AP3B1: variants seen among roughly 807,000 people sequenced by gnomAD.
The protein encoded by AP3B1 is AP-3 complex subunit beta-1.
AP3B1 carries 61 observed loss-of-function variants against 132.5 expected under a neutral mutation model. That is an observed-to-expected ratio of 0.46 (90% confidence interval 0.37 to 0.57). The LOEUF is 0.57. Among genes scored for constraint, AP3B1 ranks in the 20% least tolerant of loss-of-function variants. The pLI is 0.00. For synonymous variants in AP3B1, 388 were observed against 438.3 expected (o/e 0.89, Z 1.43); for missense variants, 1,120 against 1,289.4 (o/e 0.87, Z 2.01).
chr5:78,186,078 T>A (rs371723716), intron 7 of AP3B1, among the ~76,000 whole-genome samples: 1 of 152,244 alleles, frequency 6.6e-6, no homozygotes, highest in East Asian at 1.9e-4. Context: ...TAAATCAGTA[T>A]GCTGATTAAA....
rs150000996 is a variant in AP3B1 at position 78,165,642 on chromosome 5, C to G, written c.1198G>C (p.Ala400Pro). 3,028 of 1,609,360 alleles carry G rather than the reference C, an allele frequency of 1.9e-3. 6 individuals are homozygous for G. Among genetic ancestry groups the G allele is most frequent in the Non-Finnish European group, 2.4e-3 (2,829 of 1,176,960 alleles). ...LEILTNLANE[A>P]NISTLLREFQ... is the part of the protein sequence containing the mutation. The stretch of plus-strand genomic sequence containing the variant: ...TCTCGAAGAAGAGTTGATATGTTGG[C>G]TTCATTTGCCAAGTTTGTCAAAATT... Residue 400 changes from alanine (A) to proline (P), a missense_variant, in exon 12 of 27, where the codon GCC (alanine) becomes CCC (proline). Ala to Pro is a conservative substitution (Grantham distance 27, BLOSUM62 -1). Around this residue, in one of 3 missense-constraint regions of AP3B1, gnomAD observed 906 missense variants for 997.1 expected, o/e 0.91. Coordinates refer to ENST00000255194, the MANE Select transcript of AP3B1 (RefSeq NM_003664.5).
chr5:78,202,701 G>A (rs551792004), intron 7 of AP3B1, among the ~76,000 whole-genome samples: 20 of 152,068 alleles, frequency 1.3e-4, no homozygotes, highest in African/African-American at 4.6e-4. Flanking sequence ...AACTAACTTG[G>A]AAGCACAACA....
chr5:78,273,088 AAGAAG>A (rs1180744136), intron 1 of AP3B1, among the ~76,000 whole-genome samples: 1 of 151,776 alleles, frequency 6.6e-6, no homozygotes, highest in Non-Finnish European at 1.5e-5. Flanking sequence ...TGATCCTTGA[AAGAAG>A]AGAAGCACAA....
chr5:78,184,974 A>G (rs534624814), intron 7 of AP3B1, among the ~76,000 whole-genome samples: 1 of 152,312 alleles, frequency 6.6e-6, no homozygotes, highest in South Asian at 2.1e-4. Flanking sequence ...TGAAAGCAGG[A>G]AAGGAGAAAT....
chr5:78,044,569 A>G (rs1188412701), intron 22 of AP3B1, among the ~76,000 whole-genome samples: 3 of 152,248 alleles, frequency 2.0e-5, no homozygotes, highest in African/African-American at 7.2e-5. Context: ...AAAAGGGAAG[A>G]CTATTTGAAA....
chr5:78,031,870 A>G (rs1747591485), intron 24 of AP3B1, among the ~76,000 whole-genome samples: 1 of 152,096 alleles, frequency 6.6e-6, no homozygotes, highest in Admixed American at 6.5e-5. Context: ...TTTCTTTTTA[A>G]TGGATCTTTG....
chr5:78,204,862 A>G (rs1745441285), intron 7 of AP3B1, among the ~76,000 whole-genome samples: 1 of 152,144 alleles, frequency 6.6e-6, no homozygotes, highest in Non-Finnish European at 1.5e-5. Context: ...CCATTTTCTT[A>G]AATGTTTGAA....
intron 2 of AP3B1, among the ~76,000 whole-genome samples, chr5:78,264,674 T>C (rs192402036): frequency 1.4e-4 from 21 of 152,258 alleles, no homozygotes; most frequent in Admixed American, 1.3e-3. Context: ...CTTTAAAGCA[T>C]ACATAGAACC....
At chr5:78,255,835 T>C (rs1249355594) in intron 2 of AP3B1, among the ~76,000 whole-genome samples, 2 of 152,106 alleles carry the variant, frequency 1.3e-5, no homozygotes, top group Admixed American at 6.5e-5. Flanking sequence ...ATGGACCATA[T>C]GTTAGGTCAC....
intron 2 of AP3B1, among the ~76,000 whole-genome samples, chr5:78,258,795 T>G (rs1383061549): frequency 6.6e-6 from 1 of 152,166 alleles, no homozygotes; most frequent in Non-Finnish European, 1.5e-5. Flanking sequence ...GCAACCTAAG[T>G]GTCCACCAAC....
chr5:78,156,153 A>T (rs1743139563), intron 14 of AP3B1, 105 bp downstream of exon 14: 1 of 795,348 alleles, frequency 1.3e-6, no homozygotes, highest in Non-Finnish European at 2.1e-6. Context: ...TGGAATCCAG[A>T]CACTTCAGCT....
chr5:78,277,330 G>A (rs1158603105), intron 1 of AP3B1, among the ~76,000 whole-genome samples: 1 of 152,130 alleles, frequency 6.6e-6, no homozygotes, highest in Admixed American at 6.5e-5. Context: ...AATATTCTAG[G>A]ACCTAAATTT....
intron 15 of AP3B1, among the ~76,000 whole-genome samples, chr5:78,140,203 A>G (rs555351767): frequency 1.3e-5 from 2 of 152,304 alleles, no homozygotes; most frequent in South Asian, 2.1e-4. Flanking sequence ...ATGGACTTAA[A>G]AAATGAATAT....
At chr5:78,210,973 A>T (rs1745711120) in intron 7 of AP3B1, among the ~76,000 whole-genome samples, 1 of 152,190 alleles carries the variant, frequency 6.6e-6, no homozygotes, top group Non-Finnish European at 1.5e-5. Flanking sequence ...AAAATTATAC[A>T]AACTTGACCT....
At chr5:78,180,531 C>T (rs193113130) in intron 8 of AP3B1, among the ~76,000 whole-genome samples, 32 of 152,036 alleles carry the variant, frequency 2.1e-4, no homozygotes, top group African/African-American at 6.7e-4. Context: ...TTCTGCAAGA[C>T]TTGACAGGCT....
intron 24 of AP3B1, among the ~76,000 whole-genome samples, chr5:78,025,647 G>C (rs1290108472): frequency 1.3e-5 from 2 of 152,192 alleles, no homozygotes; most frequent in Non-Finnish European, 2.9e-5. Flanking sequence ...CAGCCATCTT[G>C]TGATCACGAA....
At position 78,034,430 on chromosome 5, in the gene AP3B1, T is replaced by G. The variant is rs1011352235; in HGVS notation, c.2825A>C (p.Glu942Ala). ...ACCCATTGAAACTGTAATGGATCCC[T>G]CAGGCTCAAGAGAGTCTAGGAAATA... ...VFNPIDSLEPEGSITVSMGID... is the reference protein window; with the variant it reads ...VFNPIDSLEPAGSITVSMGID... The change falls in exon 24 of 27, where the codon GAG (glutamate) becomes GCG (alanine). Residue 942 changes from glutamate (E) to alanine (A), a missense_variant. Glu to Ala is a moderately radical substitution (Grantham distance 107). Coordinates refer to ENST00000255194, the MANE Select transcript of AP3B1 (RefSeq NM_003664.5). 5.0e-6 allele frequency: 8 copies of G among 1,610,480 alleles called. No homozygotes were observed. Among genetic ancestry groups the G allele is most frequent in the Non-Finnish European group, 6.8e-6 (8 of 1,177,064 alleles).
Position 78,108,733 on chromosome 5 carries a change from T to C in AP3B1, c.2397+1474A>G, listed in dbSNP as rs932815223. ...ACAAAGAAGAAACAAACAGAATCAC[T>C]GACCTGGAGTGCCCCTGTGGTTTTT... On this transcript the variant is annotated intron_variant, in intron 20 of 26. Transcript: ENST00000255194. Among the ~76,000 whole-genome samples, 5 of 152,278 alleles carry C rather than the reference T, an allele frequency of 3.3e-5. No individual in the cohort carries two copies. In the South Asian group the frequency reaches 8.3e-4, roughly 25 times the overall value.
chr5:78,199,835 C>T (rs1346900505), intron 7 of AP3B1, among the ~76,000 whole-genome samples: 1 of 151,938 alleles, frequency 6.6e-6, no homozygotes, highest in Non-Finnish European at 1.5e-5. Context: ...ACCAACTTAA[C>T]ATTTTAAAAA....
Sources: allele counts gnomAD v4.1 joint callset (sites outside exome capture counted in the v4.1 genomes callset), GRCh38; gene constraint gnomAD v4.1.1; regional missense constraint gnomAD v4.1.1; transcripts MANE v1.5; gene names NCBI Gene and HGNC (gene_info 2026-07-23, HGNC 2026-07-21).